The following MACROD2 variants were observed in gnomAD, a reference collection of about 807,000 sequenced individuals.
MACROD2 encodes the protein mono-ADP ribosylhydrolase 2, also known as ADP-ribose glycohydrolase MACROD2.
A neutral mutation model predicts 70.4 loss-of-function variants in MACROD2; 36 were observed. That is an observed-to-expected ratio of 0.51 (90% CI 0.39 to 0.68). The LOEUF is 0.68. Among genes scored for constraint, MACROD2 ranks in the 30% least tolerant of loss-of-function variants. The pLI is 0.00. For missense variants in MACROD2, 496 were observed against 538.4 expected, an observed-to-expected ratio of 0.92 and a Z score of 0.78; for synonymous variants, 172 against 178.8, an observed-to-expected ratio of 0.96 and a Z score of 0.30.
intron 3 of MACROD2, among the ~76,000 whole-genome samples, chr20:14,467,649 T>A (rs186005156): frequency 6.6e-6 from 1 of 152,036 alleles, no homozygotes; most frequent in African/African-American, 2.4e-5. Flanking sequence ...TGGAGCTGTT[T>A]CTATTCGGCT....
Position 15,227,270 on chromosome 20 carries a change from G to C in MACROD2, c.419-2670G>C, listed in dbSNP as rs146695827. Among the ~76,000 whole-genome samples the C allele has an allele frequency of 3.1e-3, 474 of 152,050 alleles. 5 individuals are homozygous for C. Among genetic ancestry groups the C allele is most frequent in the African/African-American group, 0.01 (427 of 41,484 alleles). On this transcript the variant is annotated intron_variant, in intron 5 of 17. Coordinates refer to ENST00000684519, the MANE Select transcript of MACROD2 (RefSeq NM_001351661.2). ...GTTTTATAGACGATGATGACTAAAG[G>C]AAAGCAAAGGAAAAGTTTATGATGT...
chr20:15,651,069 T>G lies in MACROD2; in HGVS notation c.645+151222T>G, dbSNP rs546941104. On this transcript the variant is annotated intron_variant, in intron 8 of 17. Coordinates refer to ENST00000684519, the MANE Select transcript of MACROD2 (RefSeq NM_001351661.2). The stretch of plus-strand genomic sequence containing the variant: ...TCTTTGAGAACTTCATGACACCCTT[T>G]GAAAATTTGAAAATGGTTGGGTTTT... Among the ~76,000 whole-genome samples the G allele has an allele frequency of 6.2e-4, 94 of 152,328 alleles. 1 individual carries two copies. In the South Asian group the frequency reaches 0.018, roughly 29 times the overall value.
intron 5 of MACROD2, chr20:14,757,796 C>T (rs959342470): frequency 3.5e-5 from 53 of 1,530,988 alleles, no homozygotes; most frequent in East Asian, 1.1e-4. Flanking sequence ...CCAGTATCTC[C>T]GTGATTACCT....
chr20:15,813,408 G>C (rs2063840527), intron 8 of MACROD2, among the ~76,000 whole-genome samples: 2 of 152,214 alleles, frequency 1.3e-5, no homozygotes, highest in African/African-American at 4.8e-5. Context: ...AGCTAGGGAA[G>C]CAGGGACTCA....
chr20:15,798,565 C>T (rs545995329), intron 8 of MACROD2, among the ~76,000 whole-genome samples: 1 of 152,204 alleles, frequency 6.6e-6, no homozygotes, highest in Non-Finnish European at 1.5e-5. Flanking sequence ...CAAGCCTGCT[C>T]AAATTCAAAG....
chr20:15,461,834 G>T (rs775028811), intron 7 of MACROD2, among the ~76,000 whole-genome samples: 7 of 152,070 alleles, frequency 4.6e-5, no homozygotes, highest in African/African-American at 1.7e-4. Flanking sequence ...GATTCTTCCC[G>T]AATTGCTATA....
chr20:15,940,108 T>G (rs1460161695), intron 12 of MACROD2, among the ~76,000 whole-genome samples: 2 of 152,174 alleles, frequency 1.3e-5, no homozygotes, highest in Non-Finnish European at 2.9e-5. Flanking sequence ...TTTGTTTGTT[T>G]TTGAGATGGA....
intron 8 of MACROD2, among the ~76,000 whole-genome samples, chr20:15,511,579 C>T (rs116992180): frequency 1.4e-4 from 22 of 152,342 alleles, no homozygotes; most frequent in Non-Finnish European, 2.6e-4. Flanking sequence ...AAATTTTGCT[C>T]ATGTGAAATT....
intron 5 of MACROD2, among the ~76,000 whole-genome samples, chr20:14,977,244 A>G (rs2074747987): frequency 6.6e-6 from 1 of 151,750 alleles, no homozygotes; most frequent in African/African-American, 2.4e-5. Context: ...CTAAACTTTC[A>G]GCAAATCTTC....
intron 8 of MACROD2, among the ~76,000 whole-genome samples, chr20:15,817,815 C>T: frequency 6.6e-6 from 1 of 152,062 alleles, no homozygotes; most frequent in East Asian, 1.9e-4. Context: ...TTCTTTCCTC[C>T]CTAATTAGTT....
chr20:14,296,733 C>T (rs1161256063), intron 3 of MACROD2, among the ~76,000 whole-genome samples: 5 of 151,968 alleles, frequency 3.3e-5, no homozygotes, highest in East Asian at 1.9e-4. Context: ...GCTGCACTTC[C>T]GGGAGTGCTT....
At chr20:15,966,903 A>G (rs773393792) in intron 12 of MACROD2, among the ~76,000 whole-genome samples, 4 of 152,176 alleles carry the variant, frequency 2.6e-5, no homozygotes, top group African/African-American at 9.7e-5. Context: ...GTAGTTTTGC[A>G]ATAGCCCATA....
chr20:15,481,243 G>A (rs1005666508), intron 7 of MACROD2, among the ~76,000 whole-genome samples: 1 of 152,150 alleles, frequency 6.6e-6, no homozygotes, highest in African/African-American at 2.4e-5. Flanking sequence ...ATCTGCACAT[G>A]TCAGTACATA....
chr20:14,064,849 A>T (rs2053737180), intron 2 of MACROD2, among the ~76,000 whole-genome samples: 1 of 152,210 alleles, frequency 6.6e-6, no homozygotes, highest in African/African-American at 2.4e-5. Flanking sequence ...AACATTTGTG[A>T]ATAAAGACAA....
intron 6 of MACROD2, among the ~76,000 whole-genome samples, chr20:15,244,956 C>A (rs573442421): frequency 6.6e-6 from 1 of 152,252 alleles, no homozygotes; most frequent in East Asian, 1.9e-4. Context: ...AGAGTTACTT[C>A]AAATTCAAGA....
chr20:15,923,811 C>G (rs887624692), intron 10 of MACROD2, among the ~76,000 whole-genome samples: 7 of 151,946 alleles, frequency 4.6e-5, no homozygotes, highest in Non-Finnish European at 1.0e-4. Context: ...TGTGGTTTCT[C>G]TACTTGCAAA....
chr20:15,680,377 C>T (rs552611676), intron 8 of MACROD2, among the ~76,000 whole-genome samples: 2 of 152,266 alleles, frequency 1.3e-5, no homozygotes, highest in East Asian at 3.9e-4. Context: ...ACTGCTGCTT[C>T]CTTCTCCTCT....
intron 5 of MACROD2, among the ~76,000 whole-genome samples, chr20:15,065,497 T>G (rs1363139676): frequency 6.6e-6 from 1 of 151,676 alleles, no homozygotes; most frequent in Non-Finnish European, 1.5e-5. Context: ...CTACTAAAAA[T>G]ACAAAAAATT....
intron 2 of MACROD2, among the ~76,000 whole-genome samples, chr20:14,033,031 C>G (rs1265673218): frequency 6.7e-6 from 1 of 149,340 alleles, no homozygotes; most frequent in Non-Finnish European, 1.5e-5. Context: ...TCTCTTCATT[C>G]TAATATTTAT....
Sources: allele counts gnomAD v4.1 joint callset (sites outside exome capture counted in the v4.1 genomes callset), GRCh38; gene constraint gnomAD v4.1.1; transcripts MANE v1.5; gene names NCBI Gene and HGNC (gene_info 2026-07-23, HGNC 2026-07-21).